Variants in GRID2 observed in about 807,000 individuals in gnomAD.
The protein encoded by GRID2 is glutamate ionotropic receptor delta type subunit 2.
A neutral mutation model predicts 114.8 loss-of-function variants in GRID2; 33 were observed. The observed-to-expected ratio is 0.29, with a 90% CI of 0.22 to 0.38. The LOEUF (loss-of-function observed/expected upper bound fraction) is 0.38. GRID2 is among the 10% of genes least tolerant of loss of function. The pLI, the probability that GRID2 is intolerant of heterozygous loss-of-function variation, is 1.00. For synonymous variants in GRID2, 505 were observed against 449.9 expected, an observed-to-expected ratio of 1.12 and a Z score of -1.55; for missense variants, 1,184 against 1,257.7, an observed-to-expected ratio of 0.94 and a Z score of 0.89.
intron 2 of GRID2, among the ~76,000 whole-genome samples, chr4:92,911,477 A>T (rs1299494775): frequency 3.3e-5 from 5 of 151,992 alleles, no homozygotes; most frequent in Non-Finnish European, 5.9e-5. Context: ...AGTTAGGTAT[A>T]ACAGTTGCTG....
chr4:93,078,615 T>C (rs773789898), intron 2 of GRID2, among the ~76,000 whole-genome samples: 2 of 148,976 alleles, frequency 1.3e-5, no homozygotes, highest in African/African-American at 2.4e-5. Context: ...AAATCTATCA[T>C]TGAAAAATTA....
At chr4:93,293,159 T>A (rs1419400083) in intron 8 of GRID2, among the ~76,000 whole-genome samples, 3 of 152,116 alleles carry the variant, frequency 2.0e-5, no homozygotes, top group African/African-American at 7.2e-5. Flanking sequence ...TACAGTTACA[T>A]TATTGTGCCT....
In GRID2 at chr4:92,996,834, C is replaced by T. The variant is rs150624780; in HGVS notation, c.245-88161C>T. ...ATTGCTATAAGTGTCAGGCTGGCAG[C>T]AAATGCATTATGCTTCTCCAGTTGA... is the stretch of plus-strand genomic sequence containing the variant. On this transcript the variant is annotated intron_variant, in intron 2 of 15. Transcript: ENST00000282020. Among the ~76,000 whole-genome samples the T allele has an allele frequency of 5.3e-5, 8 of 152,236 alleles. No homozygotes were observed. The East Asian group carries it at 1.2e-3, about 22-fold the overall frequency.
chr4:92,910,110 A>G (rs1748256739), intron 2 of GRID2, among the ~76,000 whole-genome samples: 1 of 152,132 alleles, frequency 6.6e-6, no homozygotes, highest in Admixed American at 6.6e-5. Context: ...TAAAGCCATT[A>G]TAATATAGGA....
chr4:93,094,139 G>A (rs1003426281), intron 3 of GRID2, among the ~76,000 whole-genome samples: 7 of 151,956 alleles, frequency 4.6e-5, no homozygotes, highest in Admixed American at 4.6e-4. Flanking sequence ...ACCTTGAGTG[G>A]CACTTGCTTC....
chr4:93,711,010 T>C (rs2110166729), intron 14 of GRID2, among the ~76,000 whole-genome samples: 1 of 152,196 alleles, frequency 6.6e-6, no homozygotes, highest in African/African-American at 2.4e-5. Context: ...AGGGCAGCTG[T>C]AGAAATGCTG....
intron 2 of GRID2, among the ~76,000 whole-genome samples, chr4:92,887,373 G>GT (rs1480630747): frequency 5.9e-5 from 9 of 152,142 alleles, no homozygotes; most frequent in African/African-American, 1.7e-4. Flanking sequence ...GTTTTGTTTT[G>GT]TTTTTTATCA....
intron 2 of GRID2, among the ~76,000 whole-genome samples, chr4:92,741,701 G>T (rs948837584): frequency 6.6e-6 from 1 of 152,116 alleles, no homozygotes; most frequent in African/African-American, 2.4e-5. Flanking sequence ...TTGTCTGTCC[G>T]TTCAAATGTT....
At position 93,596,673 on chromosome 4, in the gene GRID2, G is replaced by T. The variant is rs750641262; in HGVS notation, c.2194-29596G>T. Among the ~76,000 whole-genome samples the T allele has an allele frequency of 7.9e-5, 12 of 152,238 alleles. 1 individual carries two copies. In the Middle Eastern group the frequency reaches 0.02, roughly 259 times the overall value. ...TTTTCCAGATGCAAGTAAAAATTAC[G>T]TTACATTGTTTTGTGTTGTAGCATT... On this transcript the variant is annotated intron_variant, in intron 13 of 15. Coordinates refer to ENST00000282020, the MANE Select transcript of GRID2 (RefSeq NM_001510.4).
At chr4:93,162,113 A>C (rs1001124310) in intron 4 of GRID2, among the ~76,000 whole-genome samples, 7 of 151,834 alleles carry the variant, frequency 4.6e-5, no homozygotes, top group Admixed American at 4.0e-4. Context: ...CATAGTGGAA[A>C]GCATCCCATT....
chr4:93,242,455 T>C (rs1354985096), intron 8 of GRID2, among the ~76,000 whole-genome samples: 1 of 151,996 alleles, frequency 6.6e-6, no homozygotes, highest in Non-Finnish European at 1.5e-5. Context: ...CATCGGGTTA[T>C]TTTTGTTTTG....
At chr4:92,646,211 T>C (rs1731613785) in intron 2 of GRID2, among the ~76,000 whole-genome samples, 1 of 152,178 alleles carries the variant, frequency 6.6e-6, no homozygotes. Flanking sequence ...AGATACTTTC[T>C]TATTATGTGC....
At chr4:93,617,284 A>C (rs752225527) in intron 13 of GRID2, among the ~76,000 whole-genome samples, 1 of 152,190 alleles carries the variant, frequency 6.6e-6, no homozygotes, top group African/African-American at 2.4e-5. Context: ...GGAATGGTAC[A>C]ATAATGTATG....
At chr4:92,632,587 G>A (rs1431315115) in intron 2 of GRID2, among the ~76,000 whole-genome samples, 2 of 151,930 alleles carry the variant, frequency 1.3e-5, no homozygotes, top group African/African-American at 2.4e-5. Flanking sequence ...AGCCGAGATC[G>A]CACCACTGCA....
At position 92,727,464 on chromosome 4, in the gene GRID2, T is replaced by C. The variant is rs553234626; in HGVS notation, c.244+137178T>C. Among the ~76,000 whole-genome samples, 11 of 152,186 alleles carry C rather than the reference T, an allele frequency of 7.2e-5. No individual in the cohort carries two copies. In the East Asian group the frequency reaches 2.1e-3, roughly 29 times the overall value. On this transcript the variant is annotated intron_variant, in intron 2 of 15. Transcript: ENST00000282020. Reference sequence around the variant, plus strand: ...CTCAAATCATAAGTATATTACTATTTTGGTTAAGGGCCTGCCAGGATTTTC... The same window carrying C: ...CTCAAATCATAAGTATATTACTATTCTGGTTAAGGGCCTGCCAGGATTTTC...
At chr4:93,769,523 G>C (rs1733948568) in intron 15 of GRID2, 73 bp downstream of exon 15, 2 of 1,414,018 alleles carry the variant, frequency 1.4e-6, no homozygotes, top group African/African-American at 1.4e-5. Context: ...ACCATCCCAG[G>C]GAGGATAATG....
In GRID2 at chr4:92,453,856, T is replaced by C. The variant is rs189331315; in HGVS notation, c.89-136275T>C. On this transcript the variant is annotated intron_variant, in intron 1 of 15. Coordinates refer to ENST00000282020, the MANE Select transcript of GRID2 (RefSeq NM_001510.4). ...TGTATAACTTAATAAAGCTAAATTA[T>C]ACTGTCCTTAAAAACTTAAGACCAC... Among the ~76,000 whole-genome samples, 9 of 152,316 alleles carry C rather than the reference T, an allele frequency of 5.9e-5. No homozygotes were observed. The East Asian group carries it at 1.5e-3, about 26-fold the overall frequency.
In GRID2 at chr4:92,776,336, T is replaced by C. The variant is rs550453766; in HGVS notation, c.244+186050T>C. 3.9e-5 allele frequency among the ~76,000 whole-genome samples: 6 copies of C among 152,246 alleles called. No homozygotes were observed. In the South Asian group the frequency reaches 1.2e-3, roughly 31 times the overall value. Reference sequence around the variant, plus strand: ...TAGATATATAGTATATAGTGAGTCGTATTTGCTCACTGCTACTCAAAGAAT... The same window carrying C: ...TAGATATATAGTATATAGTGAGTCGCATTTGCTCACTGCTACTCAAAGAAT... On this transcript the variant is annotated intron_variant, in intron 2 of 15. Coordinates refer to ENST00000282020, the MANE Select transcript of GRID2 (RefSeq NM_001510.4).
At chr4:93,603,392 G>A (rs1739895716) in intron 13 of GRID2, among the ~76,000 whole-genome samples, 1 of 152,172 alleles carries the variant, frequency 6.6e-6, no homozygotes, top group Admixed American at 6.5e-5. Flanking sequence ...TGAGAAACAT[G>A]AGAAAGCTGC....
Sources: allele counts gnomAD v4.1 joint callset (sites outside exome capture counted in the v4.1 genomes callset), GRCh38; gene constraint gnomAD v4.1.1; transcripts MANE v1.5; gene names NCBI Gene and HGNC (gene_info 2026-07-23, HGNC 2026-07-21).